Variants in PCDHAC2 observed in about 807,000 individuals in gnomAD.
PCDHAC2 encodes the protein protocadherin alpha-C2.
PCDHAC2 carries 24 observed loss-of-function variants against 63.3 expected under a neutral mutation model. The observed-to-expected ratio is 0.38, with a 90% CI of 0.27 to 0.53. The LOEUF is 0.53. PCDHAC2 is among the 20% of genes least tolerant of loss of function. The pLI is 0.81. For synonymous variants in PCDHAC2, 569 were observed against 529.4 expected (o/e 1.07, Z -1.03); for missense variants, 1,181 against 1,275.2 (o/e 0.93, Z 1.12).
rs2096217656 is a variant in PCDHAC2 at position 140,968,086 on chromosome 5, A to G, written c.1320A>G (p.Thr440=). 6.2e-7 allele frequency: 1 copy of G among 1,614,058 alleles called. No homozygotes were observed. Among genetic ancestry groups the G allele is most frequent in the African/African-American group, 1.3e-5 (1 of 74,922 alleles). Residue 440 remains threonine (T), a synonymous_variant, in exon 1 of 4, where the codon ACA becomes ACG. Coordinates refer to ENST00000289269, the MANE Select transcript of PCDHAC2 (RefSeq NM_018899.6). ...TGGCTGTCTACAACATCACGGTGAC[A>G]GCCACAGATGGGGGAATACCGCAGC... ...ERVAVYNITV[T]ATDGGIPQLT...
rs1338866234 is a variant in PCDHAC2 at position 141,009,892 on chromosome 5, GAA to G, written c.2984_2985del (p.Lys995ArgfsTer8). ...AGAAGAAGGGTAACAAGACCCAGGA[GAA>G]AAAAGAGAAAGGGAACAGCACGACT... ...KKKKGNKTQE[K>X]KEKGNSTTDN... On this transcript the variant is annotated frameshift_variant, in exon 4 of 4. Coordinates refer to ENST00000289269, the MANE Select transcript of PCDHAC2 (RefSeq NM_018899.6). LOFTEE classifies it high-confidence loss of function. The G allele has an allele frequency of 3.7e-6, 6 of 1,612,022 alleles. No individual in the cohort carries two copies. The Admixed American group carries it at 1.0e-4, about 27-fold the overall frequency.
At chr5:140,969,473 A>C (rs562575347) in intron 1 of PCDHAC2, 142 bp downstream of exon 1, 2 of 1,478,208 alleles carry the variant, frequency 1.4e-6, no homozygotes, top group South Asian at 2.8e-5. Context: ...CCACAATTTG[A>C]TCATAATCTG....
At position 140,968,074 on chromosome 5, in the gene PCDHAC2, C is replaced by T. The variant is rs781940696; in HGVS notation, c.1308C>T (p.Asn436=). 1.2e-6 allele frequency: 2 copies of T among 1,614,020 alleles called. No homozygotes were observed. The highest frequency in any genetic ancestry group is 1.3e-5 in the African/African-American group (1 of 74,924). ...ACCGAGAGCGGGTGGCTGTCTACAACATCACGGTGACAGCCACAGATGGGG... is the reference window on the plus strand; with the variant it reads ...ACCGAGAGCGGGTGGCTGTCTACAATATCACGGTGACAGCCACAGATGGGG... ...PLDRERVAVY[N]ITVTATDGGI... The change falls in exon 1 of 4, where the codon AAC becomes AAT. Residue 436 remains asparagine, a synonymous_variant. Transcript: ENST00000289269.
At chr5:140,978,881 A>G in intron 1 of PCDHAC2, 68 bp from the exon 2 acceptor site, 1 of 1,610,922 alleles carries the variant, frequency 6.2e-7, no homozygotes, top group Non-Finnish European at 8.5e-7. Flanking sequence ...TAACTAATCA[A>G]TTAGCAGCAT....
chr5:140,986,834 C>T (rs2097214742), intron 3 of PCDHAC2, among the ~76,000 whole-genome samples: 1 of 152,104 alleles, frequency 6.6e-6, no homozygotes. Context: ...CAATGGTTCT[C>T]AAAGGGGCAG....
At chr5:141,001,653 G>A (rs2098030504) in intron 3 of PCDHAC2, among the ~76,000 whole-genome samples, 1 of 152,182 alleles carries the variant, frequency 6.6e-6, no homozygotes, top group African/African-American at 2.4e-5. Context: ...TGTGGGAGAA[G>A]GCGGAGCTTG....
In PCDHAC2 at chr5:141,011,530, T is replaced by C. The variant is rs1427621980; in HGVS notation, c.*1593T>C. 7 of 153,810 alleles carry C rather than the reference T, an allele frequency of 4.6e-5. No individual in the cohort carries two copies. The highest frequency in any genetic ancestry group is 1.7e-4 in the African/African-American group (7 of 41,470). The allele number at this position is 153,810 out of a possible 1,614,324, so 9.5% of individuals were successfully genotyped here. Reference sequence around the variant, plus strand: ...TGGAGTAGTGTTTTTTTAACCATTGTTAATCAGCTTTTGTGTATGAAAGAC... The same window carrying C: ...TGGAGTAGTGTTTTTTTAACCATTGCTAATCAGCTTTTGTGTATGAAAGAC... On this transcript the variant is annotated 3_prime_UTR_variant, in exon 4 of 4. Transcript: ENST00000289269.
rs1334899934 is a variant in PCDHAC2, at chr5:140,967,676, G to A, written c.910G>A (p.Glu304Lys). 1.9e-6 allele frequency: 3 copies of A among 1,614,104 alleles called. No individual in the cohort carries two copies. Among genetic ancestry groups the A allele is most frequent in the African/African-American group, 2.7e-5 (2 of 74,946 alleles). The change falls in exon 1 of 4, where the codon GAG becomes AAG. Residue 304 changes from glutamate to lysine, a missense_variant. Physicochemically the swap from Glu to Lys is moderately conservative, Grantham distance 56. Coordinates refer to ENST00000289269, the MANE Select transcript of PCDHAC2 (RefSeq NM_018899.6). ...YSLSSYTSDR[E>K]RQLFSIDAST... is the part of the protein sequence containing the mutation. ...CTTGAGCAGCTACACGTCGGACCGG[G>A]AGAGGCAGCTCTTCAGCATAGATGC... is the stretch of plus-strand genomic sequence containing the variant.
Position 141,010,344 on chromosome 5 carries a change from G to A in PCDHAC2, c.*407G>A, listed in dbSNP as rs1011321402. On this transcript the variant is annotated 3_prime_UTR_variant, in exon 4 of 4. Coordinates refer to ENST00000289269, the MANE Select transcript of PCDHAC2 (RefSeq NM_018899.6). Reference sequence around the variant, plus strand: ...CAGCTTGGGAGTTTGTGGCCACTGGGTATGTGTGGCTACCGCGGGTATGCG... The same window carrying A: ...CAGCTTGGGAGTTTGTGGCCACTGGATATGTGTGGCTACCGCGGGTATGCG... 3 of 1,518,888 alleles carry A rather than the reference G, an allele frequency of 2.0e-6. No homozygotes were observed. The Admixed American group carries it at 6.4e-5, about 33-fold the overall frequency. 94.1% of individuals were successfully genotyped at this position (1,518,888 alleles called of 1,614,324 possible).
At position 141,010,950 on chromosome 5, in the gene PCDHAC2, A is replaced by G. The variant is rs1278386004; in HGVS notation, c.*1013A>G. The G allele has an allele frequency of 6.5e-6, 1 of 153,760 alleles. No homozygotes were observed. Among genetic ancestry groups the G allele is most frequent in the Admixed American group, 6.5e-5 (1 of 15,284 alleles). 9.5% of individuals were successfully genotyped at this position (153,760 alleles called of 1,614,324 possible). A position where few individuals can be genotyped will look rare whatever the true frequency, so the allele number is the denominator to read the frequency against. ...TCAGTCTACAGCCATTTAAATGATC[A>G]TTGCTGCTACAGAAGTGCTTTAAGA... is the stretch of plus-strand genomic sequence containing the variant. On this transcript the variant is annotated 3_prime_UTR_variant, in exon 4 of 4. Coordinates refer to ENST00000289269, the MANE Select transcript of PCDHAC2 (RefSeq NM_018899.6).
chr5:140,981,670 C>T (rs1389601276), intron 2 of PCDHAC2, among the ~76,000 whole-genome samples: 8 of 152,070 alleles, frequency 5.3e-5, no homozygotes, highest in Non-Finnish European at 1.0e-4. Context: ...TCCTTCCTTT[C>T]TTCCTTCCTC....
chr5:140,969,351 G>T lies in PCDHAC2; in HGVS notation c.2565+20G>T. 6.2e-7 allele frequency: 1 copy of T among 1,612,990 alleles called. No individual in the cohort carries two copies. Among genetic ancestry groups the T allele is most frequent in the Non-Finnish European group, 8.5e-7 (1 of 1,179,538 alleles). ...AATGAGGTGAGACAGTGGTCAGGGGGTCTTCTACAAACTCATGCATTTGTT... is the reference window on the plus strand; with the variant it reads ...AATGAGGTGAGACAGTGGTCAGGGGTTCTTCTACAAACTCATGCATTTGTT... On this transcript the variant is annotated intron_variant, in intron 1 of 3. Transcript: ENST00000289269.
chr5:140,969,232 C>G lies in PCDHAC2; in HGVS notation c.2466C>G (p.Ala822=). The G allele has an allele frequency of 6.2e-7, 1 of 1,614,066 alleles. No individual in the cohort carries two copies. Among genetic ancestry groups the G allele is most frequent in the Non-Finnish European group, 8.5e-7 (1 of 1,180,034 alleles). ...AGACAGGACCAGGGCCTTCGGGAGCCCAAGCAGCAGTGACTGACAGCAGGA... is the reference window on the plus strand; with the variant it reads ...AGACAGGACCAGGGCCTTCGGGAGCGCAAGCAGCAGTGACTGACAGCAGGA... ...GAQTGPGPSG[A]QAAVTDSRNL... The change falls in exon 1 of 4, where the codon GCC becomes GCG. Residue 822 remains alanine (A), a synonymous_variant. Coordinates refer to ENST00000289269, the MANE Select transcript of PCDHAC2 (RefSeq NM_018899.6).
At chr5:140,970,920 G>A (rs957123423) in intron 1 of PCDHAC2, among the ~76,000 whole-genome samples, 2 of 152,266 alleles carry the variant, frequency 1.3e-5, no homozygotes, top group Non-Finnish European at 2.9e-5. Flanking sequence ...TTTATCAGAA[G>A]TGCCTGGTGT....
intron 3 of PCDHAC2, among the ~76,000 whole-genome samples, chr5:140,987,354 G>A (rs1180342992): frequency 2.6e-5 from 4 of 152,166 alleles, no homozygotes; most frequent in Admixed American, 2.6e-4. Context: ...TATTCCTGAG[G>A]TTGTCTTATA....
intron 1 of PCDHAC2, among the ~76,000 whole-genome samples, chr5:140,977,637 T>C (rs1440093548): frequency 6.6e-6 from 1 of 152,228 alleles, no homozygotes; most frequent in Non-Finnish European, 1.5e-5. Flanking sequence ...TAACTTTTTC[T>C]GGGCCTTGAC....
chr5:140,967,956 A>G lies in PCDHAC2; in HGVS notation c.1190A>G (p.Asn397Ser). The change falls in exon 1 of 4, where the codon AAC becomes AGC. Residue 397 changes from asparagine (N) to serine (S), a missense_variant. Asn to Ser is a conservative substitution (Grantham distance 46, BLOSUM62 1). Transcript: ENST00000289269. ...LSVNDQDSGP[N>S]RKVSLGLEAT... is the part of the protein sequence containing the mutation. ...GTCAATGACCAAGACTCAGGCCCCA[A>G]CCGGAAAGTGAGCCTGGGTCTGGAG... 2 of 1,614,172 alleles carry G rather than the reference A, an allele frequency of 1.2e-6. No homozygotes were observed. The highest frequency in any genetic ancestry group is 3.3e-4 in the Middle Eastern group (2 of 6,062).
intron 2 of PCDHAC2, 176 bp downstream of exon 2, chr5:140,979,183 G>C (rs2096838721): frequency 1.1e-6 from 1 of 925,482 alleles, no homozygotes; most frequent in Admixed American, 6.2e-5. Context: ...CAAATGGTCA[G>C]TGCCAGATGC....
chr5:141,006,948 A>G (rs1432589918), intron 3 of PCDHAC2, among the ~76,000 whole-genome samples: 3 of 152,194 alleles, frequency 2.0e-5, no homozygotes, highest in African/African-American at 7.2e-5. Flanking sequence ...CCAGATAGGC[A>G]GTTATACATG....
Sources: allele counts gnomAD v4.1 joint callset (sites outside exome capture counted in the v4.1 genomes callset), GRCh38; gene constraint gnomAD v4.1.1; transcripts MANE v1.5; gene names NCBI Gene and HGNC (gene_info 2026-07-23, HGNC 2026-07-21).